Variants in UGT2A1 observed in about 807,000 individuals in gnomAD.
UGT2A1 encodes UDP glucuronosyltransferase family 2 member A1 complex locus.
UGT2A1 carries 61 observed loss-of-function variants against 45.4 expected under a neutral mutation model. The ratio of observed to expected loss-of-function variants is 1.34; its 90% CI spans 1.09 to 1.66. The LOEUF (loss-of-function observed/expected upper bound fraction) is 1.66, where lower values mean the gene tolerates loss of function less well. UGT2A1 is among the 40% of genes most tolerant of loss of function. UGT2A1 has a pLI of 0.00. For synonymous variants in UGT2A1, 229 were observed against 196.2 expected, an observed-to-expected ratio of 1.17 and a Z score of -1.40; for missense variants, 649 against 574.3, an observed-to-expected ratio of 1.13 and a Z score of -1.33.
At chr4:69,627,564 GAGAA>G (rs1170679742) in intron 3 of UGT2A1, among the ~76,000 whole-genome samples, 6 of 145,480 alleles carry the variant, frequency 4.1e-5, no homozygotes, top group African/African-American at 1.3e-4. Context: ...GAGAGAGAGA[GAGAA>G]AGAAAGAGAG....
At chr4:69,618,524 A>G (rs1412740023) in intron 3 of UGT2A1, among the ~76,000 whole-genome samples, 1 of 151,936 alleles carries the variant, frequency 6.6e-6, no homozygotes, top group Admixed American at 6.6e-5. Flanking sequence ...TATTTTAACC[A>G]TGTGGCCGTT....
intron 1 of UGT2A1, among the ~76,000 whole-genome samples, chr4:69,650,713 C>T (rs7674020): frequency 0.64 from 96,436 of 151,846 alleles, 30,797 homozygotes; most frequent in Admixed American, 0.69. Context: ...GTAAAAGTGA[C>T]GTTTAAAAAT....
intron 6 of UGT2A1, among the ~76,000 whole-genome samples, chr4:69,591,080 G>T (rs1221280798): frequency 6.6e-6 from 1 of 152,076 alleles, no homozygotes; most frequent in Non-Finnish European, 1.5e-5. Context: ...CATTTATTTA[G>T]AAATTTCTAA....
intron 1 of UGT2A1, among the ~76,000 whole-genome samples, chr4:69,649,518 T>C (rs1033829274): frequency 2.6e-5 from 4 of 152,034 alleles, no homozygotes; most frequent in African/African-American, 9.7e-5. Context: ...TCAGGTGCTA[T>C]TGAGAGAGGA....
At chr4:69,621,225 G>C (rs951287840) in intron 3 of UGT2A1, among the ~76,000 whole-genome samples, 1 of 152,012 alleles carries the variant, frequency 6.6e-6, no homozygotes, top group Non-Finnish European at 1.5e-5. Flanking sequence ...TACAGAATGA[G>C]AGAAAATATT....
At chr4:69,651,468 GA>G (rs1265439601) in intron 1 of UGT2A1, among the ~76,000 whole-genome samples, 2 of 151,992 alleles carry the variant, frequency 1.3e-5, no homozygotes, top group East Asian at 1.9e-4. Context: ...TGAATTCAGA[GA>G]AAAAAACTAA....
chr4:69,594,446 T>C, intron 6 of UGT2A1, 31 bp downstream of exon 6: 7 of 1,605,562 alleles, frequency 4.4e-6, no homozygotes, highest in Non-Finnish European at 5.9e-6. Context: ...TAATTAAAGT[T>C]AGGCAAGTTT....
chr4:69,642,445 GA>G (rs574915169), intron 2 of UGT2A1, among the ~76,000 whole-genome samples: 3 of 151,226 alleles, frequency 2.0e-5, no homozygotes, highest in South Asian at 4.2e-4. Context: ...GTAAGAAAGA[GA>G]AAAAGAAAAA....
At chr4:69,590,249 T>C (rs1166078211) in intron 6 of UGT2A1, among the ~76,000 whole-genome samples, 3 of 152,308 alleles carry the variant, frequency 2.0e-5, no homozygotes, top group African/African-American at 4.8e-5. Flanking sequence ...TCCAAGTACA[T>C]GAACTTTGAT....
chr4:69,589,861 C>G (rs2288740), intron 6 of UGT2A1, among the ~76,000 whole-genome samples: 59,331 of 151,828 alleles, frequency 0.39, 11,852 homozygotes, highest in East Asian at 0.56. Flanking sequence ...ACAGTATGAT[C>G]AAATGTAGAC....
At chr4:69,592,408 T>C (rs1453637463) in intron 6 of UGT2A1, among the ~76,000 whole-genome samples, 2 of 151,924 alleles carry the variant, frequency 1.3e-5, no homozygotes, top group African/African-American at 4.8e-5. Context: ...AAACTAAAAA[T>C]GCATTTAGGT....
intron 3 of UGT2A1, among the ~76,000 whole-genome samples, chr4:69,632,983 C>T (rs537482914): frequency 6.6e-6 from 1 of 151,578 alleles, no homozygotes; most frequent in Middle Eastern, 3.5e-3. Flanking sequence ...ACAAACCGGA[C>T]GTGGGTGACA....
Position 69,632,539 on chromosome 4 carries a change from C to T in UGT2A1, c.847+3152G>A, listed in dbSNP as rs533202878. Among the ~76,000 whole-genome samples the T allele has an allele frequency of 2.2e-3, 341 of 152,166 alleles. 1 individual carries two copies. The highest frequency in any genetic ancestry group is 3.9e-3 in the Non-Finnish European group (264 of 67,990). On this transcript the variant is annotated intron_variant, in intron 3 of 6. Coordinates refer to ENST00000286604, the MANE Select transcript of UGT2A1 (RefSeq NM_001252275.3). Reference sequence around the variant, plus strand: ...CAACTAAAAACAGGAGGGTGGCAAACTTCTTATGCACGACAATAGTAAATA... The same window carrying T: ...CAACTAAAAACAGGAGGGTGGCAAATTTCTTATGCACGACAATAGTAAATA...
In UGT2A1 at chr4:69,599,282, T is replaced by G. The variant is rs2109889803; in HGVS notation, c.960A>C (p.Gly320=). ...RPYLPNFEFV[G]GLHCKPAKPL... Reference sequence around the variant, plus strand: ...GTTTGGCAGGTTTGCAGTGCAATCCTCCAACAAACTCAAAATTAGGTAAGT... The same window carrying G: ...GTTTGGCAGGTTTGCAGTGCAATCCGCCAACAAACTCAAAATTAGGTAAGT... The change falls in exon 4 of 7, where the codon GGA becomes GGC. Residue 320 remains glycine (G), a synonymous_variant. Coordinates refer to ENST00000286604, the MANE Select transcript of UGT2A1 (RefSeq NM_001252275.3). The G allele has an allele frequency of 6.2e-7, 1 of 1,613,770 alleles. No homozygotes were observed. Among genetic ancestry groups the G allele is most frequent in the East Asian group, 2.2e-5 (1 of 44,830 alleles).
chr4:69,651,039 G>T (rs1722501479), intron 1 of UGT2A1, among the ~76,000 whole-genome samples: 1 of 152,014 alleles, frequency 6.6e-6, no homozygotes, highest in African/African-American at 2.4e-5. Flanking sequence ...GTACATAATA[G>T]ACGCATAAAT....
At chr4:69,651,037 T>C (rs999805217) in intron 1 of UGT2A1, among the ~76,000 whole-genome samples, 2 of 152,112 alleles carry the variant, frequency 1.3e-5, no homozygotes, top group Non-Finnish European at 1.5e-5. Flanking sequence ...GAGTACATAA[T>C]AGACGCATAA....
At chr4:69,651,242 A>T (rs1722509942) in intron 1 of UGT2A1, among the ~76,000 whole-genome samples, 1 of 152,208 alleles carries the variant, frequency 6.6e-6, no homozygotes, top group Non-Finnish European at 1.5e-5. Flanking sequence ...TTGGCCTAAA[A>T]TGTGGGTCTG....
chr4:69,594,800 G>A, intron 5 of UGT2A1, 104 bp from the exon 6 acceptor site: 1 of 1,353,134 alleles, frequency 7.4e-7, no homozygotes. Flanking sequence ...CTCTAAAGAA[G>A]GATACGTTTT....
intron 1 of UGT2A1, among the ~76,000 whole-genome samples, chr4:69,647,982 A>G (rs2109981255): frequency 6.6e-6 from 1 of 151,900 alleles, no homozygotes; most frequent in South Asian, 2.1e-4. Context: ...AATTGGATAA[A>G]GCTTCTGTAC....
Sources: gnomAD v4.1 joint callset for allele counts (sites outside exome capture counted in the v4.1 genomes callset) on GRCh38, gnomAD v4.1.1 for gene constraint, MANE v1.5 for transcripts, NCBI Gene and HGNC (gene_info 2026-07-23, HGNC 2026-07-21) for gene names.